C8orf34: variants seen among roughly 807,000 people sequenced by gnomAD.
C8orf34 encodes uncharacterized protein C8orf34.
A neutral mutation model predicts 68.3 loss-of-function variants in C8orf34; 65 were observed. That is an observed-to-expected ratio of 0.95 (90% CI 0.78 to 1.17). The LOEUF is 1.17. Among genes scored for constraint, C8orf34 ranks in the 50% most tolerant of loss-of-function variants. The pLI is 0.00. For synonymous variants in C8orf34, 244 were observed against 241.2 expected, an observed-to-expected ratio of 1.01 and a Z score of -0.11; for missense variants, 664 against 655.4, an observed-to-expected ratio of 1.01 and a Z score of -0.14.
intron 7 of C8orf34, among the ~76,000 whole-genome samples, chr8:68,551,617 C>T (rs761101810): frequency 3.9e-5 from 6 of 151,974 alleles, no homozygotes; most frequent in Non-Finnish European, 5.9e-5. Flanking sequence ...TCCTGATAGG[C>T]AGACATGATG....
chr8:68,591,093 C>T (rs550468582), intron 7 of C8orf34, among the ~76,000 whole-genome samples: 1 of 152,268 alleles, frequency 6.6e-6, no homozygotes, highest in Admixed American at 6.5e-5. Flanking sequence ...GTCTTGAGAA[C>T]TCCTCTGCAT....
chr8:68,673,592 G>T (rs567862557), intron 8 of C8orf34, among the ~76,000 whole-genome samples: 21 of 152,154 alleles, frequency 1.4e-4, no homozygotes, highest in Non-Finnish European at 2.5e-4. Context: ...ACTTTGTCTT[G>T]TGACTTGGGT....
At chr8:68,589,042 T>A (rs187163037) in intron 7 of C8orf34, among the ~76,000 whole-genome samples, 1 of 152,234 alleles carries the variant, frequency 6.6e-6, no homozygotes, top group Admixed American at 6.5e-5. Flanking sequence ...CAAGCCACAA[T>A]TTGCTCACCC....
chr8:68,492,831 A>G (rs1204994736), intron 5 of C8orf34, among the ~76,000 whole-genome samples: 1 of 151,694 alleles, frequency 6.6e-6, no homozygotes, highest in Non-Finnish European at 1.5e-5. Context: ...ATCACAAATG[A>G]CAGAGTTTTT....
chr8:68,608,131 CAATA>C (rs955713011), intron 7 of C8orf34, among the ~76,000 whole-genome samples: 10 of 150,156 alleles, frequency 6.7e-5, no homozygotes, highest in African/African-American at 2.5e-4. Context: ...GAAAAAAAAA[CAATA>C]AAACTTGGAC....
rs541727481 is a variant in C8orf34, at chr8:68,367,806, G to A, written c.327+36467G>A. On this transcript the variant is annotated intron_variant, in intron 1 of 13. Coordinates refer to ENST00000518698, the MANE Select transcript of C8orf34 (RefSeq NM_052958.4). Reference sequence around the variant, plus strand: ...GGAGATATACCTAATGCTAGATGACGAGTTAGTGGGTGCAGCGCACCAGCA... The same window carrying A: ...GGAGATATACCTAATGCTAGATGACAAGTTAGTGGGTGCAGCGCACCAGCA... 1.4e-3 allele frequency among the ~76,000 whole-genome samples: 197 copies of A among 135,932 alleles called. 1 individual carries two copies. The highest frequency in any genetic ancestry group is 5.0e-3 in the African/African-American group (182 of 36,294). 89.2% of individuals were successfully genotyped at this position (135,932 alleles called of 152,430 possible). A position where few individuals can be genotyped will look rare whatever the true frequency, so the allele number is the denominator to read the frequency against.
intron 7 of C8orf34, among the ~76,000 whole-genome samples, chr8:68,571,476 T>C (rs146777992): frequency 2.7e-4 from 41 of 152,282 alleles, no homozygotes; most frequent in African/African-American, 9.6e-4. Flanking sequence ...ATCATTCCTT[T>C]CATCCAAAAA....
chr8:68,671,341 T>C (rs887189645), intron 8 of C8orf34, among the ~76,000 whole-genome samples: 14 of 152,208 alleles, frequency 9.2e-5, no homozygotes, highest in African/African-American at 3.1e-4. Flanking sequence ...AGAACGATCA[T>C]GTGATTTTAG....
intron 7 of C8orf34, among the ~76,000 whole-genome samples, chr8:68,632,376 A>T (rs1171718214): frequency 2.0e-5 from 3 of 152,174 alleles, no homozygotes; most frequent in Admixed American, 6.5e-5. Flanking sequence ...CTTTTGGTAA[A>T]AGTGTATGCC....
chr8:68,617,306 G>A (rs181870484), intron 7 of C8orf34, among the ~76,000 whole-genome samples: 4 of 152,166 alleles, frequency 2.6e-5, no homozygotes, highest in Non-Finnish European at 4.4e-5. Context: ...ATAGTGTTAT[G>A]TGTGAATTTG....
chr8:68,614,448 T>A (rs1459401703), intron 7 of C8orf34, among the ~76,000 whole-genome samples: 1 of 152,154 alleles, frequency 6.6e-6, no homozygotes, highest in African/African-American at 2.4e-5. Context: ...CTTTAATCCA[T>A]CTTGAATTAA....
At chr8:68,703,515 T>C (rs556746245) in intron 8 of C8orf34, among the ~76,000 whole-genome samples, 34 of 152,080 alleles carry the variant, frequency 2.2e-4, no homozygotes, top group Non-Finnish European at 4.1e-4. Context: ...AGTTCAGCAT[T>C]TTGCCTCATC....
chr8:68,806,185 C>T (rs1824477757), intron 12 of C8orf34, among the ~76,000 whole-genome samples: 1 of 151,992 alleles, frequency 6.6e-6, no homozygotes, highest in Non-Finnish European at 1.5e-5. Context: ...TATTTTAAAA[C>T]ACCATAAGGC....
chr8:68,709,993 C>T (rs2130964761), intron 9 of C8orf34, among the ~76,000 whole-genome samples: 1 of 152,158 alleles, frequency 6.6e-6, no homozygotes, highest in East Asian at 1.9e-4. Context: ...AGAAGGACAT[C>T]TTCAACAGGA....
chr8:68,726,663 A>G (rs2129526675), intron 10 of C8orf34, among the ~76,000 whole-genome samples: 1 of 152,306 alleles, frequency 6.6e-6, no homozygotes, highest in South Asian at 2.1e-4. Context: ...AATTGGACTT[A>G]CAGCTCCACA....
chr8:68,337,107 A>G (rs1805884043), intron 1 of C8orf34, among the ~76,000 whole-genome samples: 1 of 152,190 alleles, frequency 6.6e-6, no homozygotes, highest in African/African-American at 2.4e-5. Flanking sequence ...CAGGCAAGAA[A>G]CATTAATCAG....
chr8:68,461,030 C>A (rs1278486972), intron 3 of C8orf34, among the ~76,000 whole-genome samples: 1 of 152,076 alleles, frequency 6.6e-6, no homozygotes, highest in Non-Finnish European at 1.5e-5. Flanking sequence ...AGGCAAAGAA[C>A]TTAAAAACTT....
intron 3 of C8orf34, among the ~76,000 whole-genome samples, chr8:68,448,452 A>G (rs2129627073): frequency 6.6e-6 from 1 of 152,334 alleles, no homozygotes; most frequent in East Asian, 1.9e-4. Flanking sequence ...ATTATTTCTG[A>G]AGTAGTAAAA....
intron 12 of C8orf34, among the ~76,000 whole-genome samples, chr8:68,794,476 A>T (rs10957449): frequency 7.3e-4 from 81 of 111,516 alleles, no homozygotes; most frequent in African/African-American, 3.7e-3. Flanking sequence ...CCAGTATATA[A>T]ATATAAATAT....
Sources: allele counts gnomAD v4.1 joint callset (sites outside exome capture counted in the v4.1 genomes callset), GRCh38; gene constraint gnomAD v4.1.1; transcripts MANE v1.5; gene names NCBI Gene and HGNC (gene_info 2026-07-23, HGNC 2026-07-21).